Variants in TEP1 observed in about 807,000 individuals in gnomAD.
TEP1 encodes telomerase associated protein 1, also known as telomerase protein component 1.
A neutral mutation model predicts 306.3 loss-of-function variants in TEP1; 241 were observed. The observed-to-expected ratio is 0.79, with a 90% CI of 0.71 to 0.88. TEP1 has a LOEUF of 0.88. Ranked by LOEUF, TEP1 falls within the 40% of genes least tolerant of loss-of-function variation. TEP1 has a pLI of 0.00. For synonymous variants in TEP1, 1,289 were observed against 1,305.5 expected (o/e 0.99, Z 0.27); for missense variants, 3,051 against 3,276.1 (o/e 0.93, Z 1.68).
Position 20,382,643 on chromosome 14 carries a change from G to A in TEP1, c.4120C>T (p.Leu1374Phe), listed in dbSNP as rs1241662036. 1.9e-6 allele frequency: 3 copies of A among 1,613,988 alleles called. No homozygotes were observed. The highest frequency in any genetic ancestry group is 1.7e-6 in the Non-Finnish European group (2 of 1,180,008). Reference sequence around the variant, plus strand: ...CTGACCTGCTCATACAGCGTGAAGAGCCTCAGGTGATCGGTGACCAAGCGC... The same window carrying A: ...CTGACCTGCTCATACAGCGTGAAGAACCTCAGGTGATCGGTGACCAAGCGC... ...YLRLVTDHLR[L>F]FTLYEQVSER... Residue 1374 changes from leucine to phenylalanine, a missense_variant, in exon 28 of 55, where the codon CTC (leucine) becomes TTC (phenylalanine). Around this residue, in one of 3 missense-constraint regions of TEP1, gnomAD observed 1,540 missense variants for 1,705.9 expected, o/e 0.90. Coordinates refer to ENST00000262715, the MANE Select transcript of TEP1 (RefSeq NM_007110.5).
In TEP1 at chr14:20,396,650, C is replaced by G. The variant is rs551571343; in HGVS notation, c.1630G>C (p.Glu544Gln). The change falls in exon 10 of 55, where the codon GAG becomes CAG. Residue 544 changes from glutamate to glutamine, a missense_variant. Coordinates refer to ENST00000262715, the MANE Select transcript of TEP1 (RefSeq NM_007110.5). ...LRVGISSRHHELILQRLQHAK... is the reference protein window; with the variant it reads ...LRVGISSRHHQLILQRLQHAK... ...TGCTGGAGTCTCTGGAGAATGAGCTCATGGTGGCGGGAACTGATTCCAACC... is the reference window on the plus strand; with the variant it reads ...TGCTGGAGTCTCTGGAGAATGAGCTGATGGTGGCGGGAACTGATTCCAACC... 3 of 1,610,998 alleles carry G rather than the reference C, an allele frequency of 1.9e-6. No homozygotes were observed. The highest frequency in any genetic ancestry group is 2.5e-6 in the Non-Finnish European group (3 of 1,177,480).
rs370712702 is a variant in TEP1, at chr14:20,377,722, G to C, written c.5753C>G (p.Pro1918Arg). 3.1e-6 allele frequency: 5 copies of C among 1,613,796 alleles called. No individual in the cohort carries two copies. The highest frequency in any genetic ancestry group is 4.2e-6 in the Non-Finnish European group (5 of 1,179,950). ...VQVWSGSLGR[P>R]RGHLGSLSLS... Reference sequence around the variant, plus strand: ...AGAAAGGGAACCCAGGTGCCCACGGGGCCGACCCAGAGACCCTGACCACAC... The same window carrying C: ...AGAAAGGGAACCCAGGTGCCCACGGCGCCGACCCAGAGACCCTGACCACAC... The change falls in exon 40 of 55, where the codon CCC becomes CGC. Residue 1918 changes from proline (P) to arginine (R), a missense_variant. Around this residue, in one of 3 missense-constraint regions of TEP1, gnomAD observed 1,540 missense variants for 1,705.9 expected, o/e 0.90. Coordinates refer to ENST00000262715, the MANE Select transcript of TEP1 (RefSeq NM_007110.5).
At chr14:20,378,320 T>C in intron 38 of TEP1, 60 bp downstream of exon 38, 2 of 1,611,994 alleles carry the variant, frequency 1.2e-6, no homozygotes, top group East Asian at 2.2e-5. Context: ...GTCTGTCGTC[T>C]GCCACCCTCC....
Position 20,368,307 on chromosome 14 carries a change from G to T in TEP1, c.*130C>A. The T allele has an allele frequency of 8.8e-7, 1 of 1,131,162 alleles. No individual in the cohort carries two copies. The highest frequency in any genetic ancestry group is 1.2e-6 in the Non-Finnish European group (1 of 827,326). 70.1% of individuals were successfully genotyped at this position (1,131,162 alleles called of 1,614,324 possible). On this transcript the variant is annotated 3_prime_UTR_variant, in exon 55 of 55. Coordinates refer to ENST00000262715, the MANE Select transcript of TEP1 (RefSeq NM_007110.5). ...TGAGAACACAGGCAGGCCTACACTT[G>T]AGATTTTTTGACACTTCATTTTTAT...
chr14:20,379,087 T>C lies in TEP1; in HGVS notation c.5146A>G (p.Ser1716Gly). 2.5e-6 allele frequency: 4 copies of C among 1,614,128 alleles called. 1 individual carries two copies. In the South Asian group the frequency reaches 4.4e-5, roughly 18 times the overall value. Residue 1716 changes from serine to glycine, a missense_variant, in exon 36 of 55, where the codon AGT becomes GGT. Coordinates refer to ENST00000262715, the MANE Select transcript of TEP1 (RefSeq NM_007110.5). Reference protein sequence around the residue: ...RTWQEEKSVVSGCDGISACLF... With the variant: ...RTWQEEKSVVGGCDGISACLF... The stretch of plus-strand genomic sequence containing the variant: ...CAAGCAGAGATTCCATCACAGCCAC[T>C]CACCACAGACTTCTCCTCCTGCGAC...
chr14:20,368,947 C>T (rs757735496), intron 53 of TEP1, 45 bp from the exon 54 acceptor site: 1 of 1,427,830 alleles, frequency 7.0e-7, no homozygotes, highest in African/African-American at 1.4e-5. Flanking sequence ...TCTCAGGGGC[C>T]CCTCCTCAGA....
intron 43 of TEP1, among the ~76,000 whole-genome samples, chr14:20,375,386 C>T (rs1885115018): frequency 6.6e-6 from 1 of 152,028 alleles, no homozygotes; most frequent in African/African-American, 2.4e-5. Flanking sequence ...GAACTCCTGG[C>T]CTCGTGATCC....
intron 23 of TEP1, 48 bp downstream of exon 23, chr14:20,384,343 C>G: frequency 1.2e-6 from 2 of 1,612,316 alleles, no homozygotes; most frequent in Non-Finnish European, 1.7e-6. Flanking sequence ...CAACCCAGAC[C>G]ACCCCATGTC....
chr14:20,368,717 A>G, intron 54 of TEP1, 81 bp downstream of exon 54: 3 of 1,539,800 alleles, frequency 1.9e-6, no homozygotes, highest in Middle Eastern at 3.7e-4. Context: ...TCTTACTCTA[A>G]GTTTGCTGTC....
At position 20,368,482 on chromosome 14, in the gene TEP1, G is replaced by A. The variant is rs376015778; in HGVS notation, c.7839C>T (p.Ala2613=). The A allele has an allele frequency of 9.0e-5, 146 of 1,613,960 alleles. No individual in the cohort carries two copies. Among genetic ancestry groups the A allele is most frequent in the Admixed American group, 3.0e-4 (18 of 59,972 alleles). ...WLGANSTLQL[A]VGDVQGNVYF... ...ACACATTGCCCTGCACGTCTCCCAC[G>A]GCAAGCTGCAGGGTGGAGTTAGCGC... is the stretch of plus-strand genomic sequence containing the variant. The change falls in exon 55 of 55, where the codon GCC becomes GCT. Residue 2613 remains alanine, a synonymous_variant. Coordinates refer to ENST00000262715, the MANE Select transcript of TEP1 (RefSeq NM_007110.5).
chr14:20,386,346 T>C (rs966074752), intron 19 of TEP1, 101 bp downstream of exon 19: 1 of 1,577,766 alleles, frequency 6.3e-7, no homozygotes, highest in African/African-American at 1.4e-5. Context: ...ACTCCCGCCT[T>C]CACCCTCATC....
chr14:20,373,028 C>T lies in TEP1; in HGVS notation c.6934G>A (p.Ala2312Thr). Residue 2312 changes from alanine (A) to threonine (T), a missense_variant, in exon 48 of 55, where the codon GCT becomes ACT. Physicochemically the swap from Ala to Thr is moderately conservative, Grantham distance 58. Around this residue, in one of 3 missense-constraint regions of TEP1, gnomAD observed 1,540 missense variants for 1,705.9 expected, o/e 0.90. Transcript: ENST00000262715. ...CGACTCACCTGTGCTGTGGCCACAG[C>T]CTTAGCTTCCTGCCACAAGATTAGT... ...GELILWQEAK[A>T]VATAQAPGHI... is the part of the protein sequence containing the mutation. The T allele has an allele frequency of 1.2e-6, 2 of 1,614,180 alleles. No homozygotes were observed. The highest frequency in any genetic ancestry group is 3.3e-5 in the Admixed American group (2 of 60,026).
chr14:20,380,372 C>A lies in TEP1; in HGVS notation c.4866G>T (p.Arg1622=), dbSNP rs1318565679. The A allele has an allele frequency of 1.9e-6, 3 of 1,614,094 alleles. No homozygotes were observed. Among genetic ancestry groups the A allele is most frequent in the Non-Finnish European group, 2.5e-6 (3 of 1,180,022 alleles). ...GGTTGGCTGCCTGCTGGGGCAGGAG[C>A]CGGGGGTACTGGCTGAGGATTGAAG... is the stretch of plus-strand genomic sequence containing the variant. The part of the protein sequence containing the change: ...QQASILSQYP[R]LLPQQAANQP... The change falls in exon 34 of 55, where the codon CGG becomes CGT. Residue 1622 remains arginine (R), a synonymous_variant. Transcript: ENST00000262715.
chr14:20,405,930 T>C (rs1371254415), intron 3 of TEP1, among the ~76,000 whole-genome samples: 1 of 145,370 alleles, frequency 6.9e-6, no homozygotes, highest in African/African-American at 2.6e-5. Flanking sequence ...AGGAGAATAA[T>C]GAATTCAGGA....
chr14:20,377,228 AAG>A, intron 41 of TEP1, 50 bp downstream of exon 41: 3 of 1,432,658 alleles, frequency 2.1e-6, no homozygotes, highest in Non-Finnish European at 1.9e-6. Context: ...AAAAAAAAAA[AAG>A]AAAAGAAAAG....
At chr14:20,406,112 A>C in intron 3 of TEP1, 121 bp downstream of exon 3, 1 of 784,130 alleles carries the variant, frequency 1.3e-6, no homozygotes, top group Non-Finnish European at 2.0e-6. Flanking sequence ...AGTGAGAAAT[A>C]AGAGCTAGGT....
At position 20,365,941 on chromosome 14, in the gene TEP1, T is replaced by C. The variant is rs1884454830; in HGVS notation, c.*2496A>G. 1 of 152,230 alleles carries C rather than the reference T, an allele frequency of 6.6e-6. No individual in the cohort carries two copies. Among genetic ancestry groups the C allele is most frequent in the South Asian group, 2.1e-4 (1 of 4,834 alleles). The allele number at this position is 152,230 out of a possible 1,614,324, so 9.4% of individuals were successfully genotyped here. A position where few individuals can be genotyped will look rare whatever the true frequency, so the allele number is the denominator to read the frequency against. ...GTTCAAATGTCCTATGGTCTCACAA[T>C]CCAGTGGTTATAACTGTAAAACTCA... is the stretch of plus-strand genomic sequence containing the variant. On this transcript the variant is annotated 3_prime_UTR_variant, in exon 55 of 55. Transcript: ENST00000262715.
In TEP1 at chr14:20,380,889, T is replaced by C. The variant is rs750908984; in HGVS notation, c.4762+42A>G. ...GGGCCCCCATAAGCACACCCAGGAG[T>C]CCCATATCTCAGAGAAGAACCCAGC... On this transcript the variant is annotated intron_variant, in intron 33 of 54. Coordinates refer to ENST00000262715, the MANE Select transcript of TEP1 (RefSeq NM_007110.5). 3.3e-6 allele frequency: 5 copies of C among 1,528,998 alleles called. No individual in the cohort carries two copies. The African/African-American group carries it at 5.5e-5, about 17-fold the overall frequency. The allele number at this position is 1,528,998 out of a possible 1,614,324, so 94.7% of individuals were successfully genotyped here. A position where few individuals can be genotyped will look rare whatever the true frequency, so the allele number is the denominator to read the frequency against.
intron 12 of TEP1, 87 bp from the exon 13 acceptor site, chr14:20,391,854 G>A (rs1404144459): frequency 2.1e-6 from 3 of 1,452,472 alleles, no homozygotes; most frequent in African/African-American, 1.4e-5. Flanking sequence ...TTGCCACTAA[G>A]TATTGAGTCT....
Sources: allele counts gnomAD v4.1 joint callset (sites outside exome capture counted in the v4.1 genomes callset), GRCh38; gene constraint gnomAD v4.1.1; regional missense constraint gnomAD v4.1.1; transcripts MANE v1.5; gene names NCBI Gene and HGNC (gene_info 2026-07-23, HGNC 2026-07-21).